PALM2AKAP2: variants seen among roughly 807,000 people sequenced by gnomAD.
The protein encoded by PALM2AKAP2 is PALM2-AKAP2 fusion protein.
In PALM2AKAP2, 37 loss-of-function variants were observed where a neutral mutation model predicts 71.5. That is an observed-to-expected ratio of 0.52 (90% CI 0.40 to 0.68). The LOEUF (loss-of-function observed/expected upper bound fraction) is 0.68. Ranked by LOEUF, PALM2AKAP2 falls within the 30% of genes least tolerant of loss-of-function variation. The pLI, the probability that PALM2AKAP2 is intolerant of heterozygous loss-of-function variation, is 0.00. For synonymous variants in PALM2AKAP2, 468 were observed against 478.8 expected, an observed-to-expected ratio of 0.98 and a Z score of 0.29; for missense variants, 1,224 against 1,191.8, an observed-to-expected ratio of 1.03 and a Z score of -0.40.
chr9:109,873,087 A>G (rs1829643039), intron 2 of PALM2AKAP2, among the ~76,000 whole-genome samples: 2 of 152,244 alleles, frequency 1.3e-5, no homozygotes, highest in South Asian at 4.2e-4. Flanking sequence ...GGGAAGAGAA[A>G]GAGGGACAGG....
rs1415377930 is a variant in PALM2AKAP2, at chr9:109,642,811, CT to C, written c.5+1946del. Among the ~76,000 whole-genome samples the C allele has an allele frequency of 3.4e-5, 5 of 147,824 alleles. No homozygotes were observed. The South Asian group carries it at 6.5e-4, about 19-fold the overall frequency. On this transcript the variant is annotated intron_variant, in intron 1 of 6. Coordinates refer to the PALM2AKAP2 transcript ENST00000374531. ...AAGCAATCCTCCTGCCCCGGTCTTG[CT>C]GGGATTATAGGTGTGAGCCACCATG...
intron 1 of PALM2AKAP2, among the ~76,000 whole-genome samples, chr9:110,135,726 C>T (rs1444827131): frequency 6.6e-6 from 1 of 152,214 alleles, no homozygotes; most frequent in Non-Finnish European, 1.5e-5. Flanking sequence ...AACTGCATTA[C>T]ATCTGGCAGA....
At chr9:109,702,183 C>A (rs200407613) in intron 1 of PALM2AKAP2, among the ~76,000 whole-genome samples, 1 of 151,828 alleles carries the variant, frequency 6.6e-6, no homozygotes, top group Non-Finnish European at 1.5e-5. Context: ...GTCAGTGTGG[C>A]GATTCCTCAG....
intron 1 of PALM2AKAP2, among the ~76,000 whole-genome samples, chr9:109,859,279 G>C (rs1031419039): frequency 6.6e-6 from 1 of 152,208 alleles, no homozygotes; most frequent in African/African-American, 2.4e-5. Context: ...AGAAGGGAGT[G>C]TGTGTAGTGG....
intron 6 of PALM2AKAP2, among the ~76,000 whole-genome samples, chr9:109,970,943 A>C (rs1175909274): frequency 2.0e-5 from 3 of 152,114 alleles, no homozygotes; most frequent in African/African-American, 7.2e-5. Flanking sequence ...CCCTGTGTCT[A>C]CAAAAAAAAT....
chr9:110,053,776 G>A (rs892255437), intron 1 of PALM2AKAP2, among the ~76,000 whole-genome samples: 8 of 152,022 alleles, frequency 5.3e-5, no homozygotes, highest in African/African-American at 9.7e-5. Flanking sequence ...TTTTTTGTTT[G>A]TTTTTTCTTC....
At chr9:109,964,638 A>G (rs773898461) in intron 6 of PALM2AKAP2, among the ~76,000 whole-genome samples, 5 of 152,156 alleles carry the variant, frequency 3.3e-5, no homozygotes, top group Non-Finnish European at 7.4e-5. Flanking sequence ...TTGCCTGCCT[A>G]CCACCTAAAT....
intron 1 of PALM2AKAP2, among the ~76,000 whole-genome samples, chr9:110,105,225 C>A (rs1055769626): frequency 5.3e-5 from 8 of 152,214 alleles, no homozygotes; most frequent in African/African-American, 1.9e-4. Context: ...TTTAGACTGG[C>A]TTGCAAGAAA....
At chr9:110,098,540 C>T (rs1815195730) in intron 1 of PALM2AKAP2, among the ~76,000 whole-genome samples, 2 of 152,118 alleles carry the variant, frequency 1.3e-5, no homozygotes, top group South Asian at 4.1e-4. Flanking sequence ...AATTGATTAC[C>T]TATTATGTGC....
At chr9:109,761,880 T>C (rs1424207652) in intron 1 of PALM2AKAP2, among the ~76,000 whole-genome samples, 2 of 152,210 alleles carry the variant, frequency 1.3e-5, no homozygotes, top group Non-Finnish European at 2.9e-5. Context: ...ATCCTTTGGG[T>C]ATATACCCAG....
chr9:109,943,258 A>G, intron 6 of PALM2AKAP2: 1 of 1,614,244 alleles, frequency 6.2e-7, no homozygotes, highest in Non-Finnish European at 8.5e-7. Context: ...GAAGACAGTG[A>G]CGGACGTGTC....
rs141741946 is a variant in PALM2AKAP2, at chr9:109,671,204, T to C, written c.5+30338T>C. Reference sequence around the variant, plus strand: ...GCCTGTGCCTATGTCCTGAACATATTGCCAGGTTGTCTTCTAGAGTTTTTA... The same window carrying C: ...GCCTGTGCCTATGTCCTGAACATATCGCCAGGTTGTCTTCTAGAGTTTTTA... On this transcript the variant is annotated intron_variant, in intron 1 of 6. Coordinates refer to the PALM2AKAP2 transcript ENST00000374531. Among the ~76,000 whole-genome samples the C allele has an allele frequency of 5.2e-3, 792 of 152,364 alleles. 26 individuals carry two copies. Among genetic ancestry groups the C allele is most frequent in the Admixed American group, 0.042 (644 of 15,298 alleles).
intron 1 of PALM2AKAP2, among the ~76,000 whole-genome samples, chr9:110,117,589 A>G (rs183966805): frequency 2.6e-5 from 4 of 152,316 alleles, no homozygotes; most frequent in East Asian, 1.9e-4. Flanking sequence ...TTTATAAAGA[A>G]TAGAGATTTG....
At chr9:110,047,456 G>A (rs940670682), upstream of PALM2AKAP2, among the ~76,000 whole-genome samples, 1 of 152,186 alleles carries the variant, frequency 6.6e-6, no homozygotes, top group Non-Finnish European at 1.5e-5. Context: ...ACCTTTGTGG[G>A]TTAGGAAAGT....
intron 2 of PALM2AKAP2, among the ~76,000 whole-genome samples, chr9:110,155,370 A>G (rs556930935): frequency 5.9e-5 from 9 of 152,194 alleles, no homozygotes; most frequent in Non-Finnish European, 1.2e-4. Context: ...CATAATTGTT[A>G]TACTTGAAGA....
intron 1 of PALM2AKAP2, chr9:109,640,987 G>A: frequency 2.2e-6 from 3 of 1,340,956 alleles, no homozygotes; most frequent in Non-Finnish European, 2.9e-6. Context: ...TTTCAGCCCC[G>A]TGTGTACGCC....
At chr9:109,866,118 T>C (rs1337122752) in intron 1 of PALM2AKAP2, among the ~76,000 whole-genome samples, 1 of 152,242 alleles carries the variant, frequency 6.6e-6, no homozygotes, top group Non-Finnish European at 1.5e-5. Flanking sequence ...AGCTAATATT[T>C]TGTAAGGTCT....
In PALM2AKAP2 at chr9:109,877,153, A is replaced by G. The variant is rs546445650; in HGVS notation, c.127-3398A>G. On this transcript the variant is annotated intron_variant, in intron 2 of 9. Transcript: ENST00000302798. ...GGTCCACACCAACGCCAAGGCTTCC[A>G]GGATGTCTATCCCCCAGAATCCTAA... Among the ~76,000 whole-genome samples the G allele has an allele frequency of 2.0e-5, 3 of 152,166 alleles. 1 individual carries two copies. The highest frequency in any genetic ancestry group is 2.0e-4 in the Admixed American group (3 of 15,286).
intron 3 of PALM2AKAP2, among the ~76,000 whole-genome samples, chr9:109,899,618 C>CT (rs1292672417): frequency 1.3e-5 from 2 of 152,186 alleles, no homozygotes; most frequent in African/African-American, 4.8e-5. Flanking sequence ...CTTAGAGAGT[C>CT]TTTTATGATG....
Sources: gnomAD v4.1 joint callset for allele counts (sites outside exome capture counted in the v4.1 genomes callset) on GRCh38, gnomAD v4.1.1 for gene constraint, MANE v1.5 for transcripts, NCBI Gene and HGNC (gene_info 2026-07-23, HGNC 2026-07-21) for gene names.